The following BCL9 variants were observed in gnomAD, a reference collection of about 807,000 sequenced individuals.
The protein encoded by BCL9 is B-cell CLL/lymphoma 9 protein.
BCL9 carries 25 observed loss-of-function variants against 88.5 expected under a neutral mutation model. That is an observed-to-expected ratio of 0.28 (90% CI 0.21 to 0.39). The LOEUF (loss-of-function observed/expected upper bound fraction) is 0.39. Among genes scored for constraint, BCL9 ranks in the 10% least tolerant of loss-of-function variants. The pLI, the probability that BCL9 is intolerant of heterozygous loss-of-function variation, is 1.00. For synonymous variants in BCL9, 711 were observed against 673.3 expected (o/e 1.06, Z -0.87); for missense variants, 1,817 against 1,877.8 (o/e 0.97, Z 0.60).
intron 1 of BCL9, among the ~76,000 whole-genome samples, chr1:147,566,123 G>A (rs1655583588): frequency 6.6e-6 from 1 of 152,158 alleles, no homozygotes; most frequent in Non-Finnish European, 1.5e-5. Context: ...AAGACATTTA[G>A]CATCAAGACA....
intron 1 of BCL9, among the ~76,000 whole-genome samples, chr1:147,547,182 GTGTA>G (rs1184525963): frequency 2.0e-5 from 3 of 152,082 alleles, no homozygotes; most frequent in African/African-American, 7.2e-5. Flanking sequence ...TGTTACGTAT[GTGTA>G]TGTGTGTATA....
intron 1 of BCL9, among the ~76,000 whole-genome samples, chr1:147,570,297 G>A (rs1447526253): frequency 6.6e-6 from 1 of 152,144 alleles, no homozygotes; most frequent in African/African-American, 2.4e-5. Context: ...AATAGCTAAG[G>A]AAAAGGAGAA....
chr1:147,619,020 G>T lies in BCL9; in HGVS notation c.865G>T (p.Val289Leu). Reference sequence around the variant, plus strand: ...GGTAGAAAACAAACTGATTCCTTCTGTAGGAAGTCCTGCCAGCTCCACTCC... The same window carrying T: ...GGTAGAAAACAAACTGATTCCTTCTTTAGGAAGTCCTGCCAGCTCCACTCC... ...PGVENKLIPS[V>L]GSPASSTPLP... Residue 289 changes from valine to leucine, a missense_variant, in exon 8 of 10, where the codon GTA becomes TTA. By Grantham distance (32) the Val-to-Leu change is conservative (BLOSUM62 1). Around this residue, in one of 2 missense-constraint regions of BCL9, gnomAD observed 1,228 missense variants for 1,191.6 expected, o/e 1.03. Transcript: ENST00000234739. This position sits in a 1 kb window ranked among gnomAD's most constrained non-coding sequence, Gnocchi z 4.1. 1 of 1,609,950 alleles carries T rather than the reference G, an allele frequency of 6.2e-7. No individual in the cohort carries two copies. The highest frequency in any genetic ancestry group is 2.2e-5 in the East Asian group (1 of 44,842).
At chr1:147,614,763 G>C (rs1658187630) in intron 6 of BCL9, 147 bp downstream of exon 6, 1 of 833,516 alleles carries the variant, frequency 1.2e-6, no homozygotes. Context: ...CTCCCCCAGA[G>C]GCAACCACTG....
intron 1 of BCL9, among the ~76,000 whole-genome samples, chr1:147,544,619 T>C (rs1227452881): frequency 1.3e-5 from 2 of 152,102 alleles, no homozygotes; most frequent in African/African-American, 2.4e-5. Flanking sequence ...TACTAAACAC[T>C]CAGCTGCAAG....
chr1:147,592,616 G>A (rs1170351527), intron 1 of BCL9, among the ~76,000 whole-genome samples: 1 of 152,006 alleles, frequency 6.6e-6, no homozygotes, highest in African/African-American at 2.4e-5. Flanking sequence ...AGTGTGTCAG[G>A]AGAGTTGAAG....
intron 5 of BCL9, 28 bp from the exon 6 acceptor site, chr1:147,614,399 T>G: frequency 6.2e-7 from 1 of 1,607,468 alleles, no homozygotes; most frequent in Non-Finnish European, 8.5e-7. Context: ...TTTTATTCTT[T>G]CTGTGACGAG....
At chr1:147,606,887 TAGCACTGG>T (rs1657738647) in intron 3 of BCL9, 21 bp downstream of exon 3, 2 of 152,602 alleles carry the variant, frequency 1.3e-5, no homozygotes, top group Admixed American at 1.3e-4. Flanking sequence ...TGATGGCTGA[TAGCACTGG>T]AGCACACGCC....
intron 1 of BCL9, among the ~76,000 whole-genome samples, chr1:147,594,167 C>T (rs1656952852): frequency 6.6e-6 from 1 of 152,084 alleles, no homozygotes; most frequent in African/African-American, 2.4e-5. Context: ...TGGTGGTATA[C>T]ATAAACCACT....
rs1553204633 is a variant in BCL9 at position 147,619,518 on chromosome 1, G to A, written c.1363G>A (p.Gly455Arg). 1.2e-6 allele frequency: 2 copies of A among 1,613,980 alleles called. No individual in the cohort carries two copies. Among genetic ancestry groups the A allele is most frequent in the Non-Finnish European group, 1.7e-6 (2 of 1,180,016 alleles). ...MVPPSMNSQS[G>R]TIGPDHLDHM... ...TCCACCTTCTATGAACTCCCAGTCT[G>A]GGACCATAGGACCCGACCACCTTGA... Residue 455 changes from glycine to arginine, a missense_variant, in exon 8 of 10, where the codon GGG (glycine) becomes AGG (arginine). By Grantham distance (125) the Gly-to-Arg change is moderately radical. Coordinates refer to ENST00000234739, the MANE Select transcript of BCL9 (RefSeq NM_004326.4). This position sits in a 1 kb window ranked among gnomAD's most constrained non-coding sequence, Gnocchi z 4.1.
In BCL9 at chr1:147,613,024, C is replaced by T. The variant is rs1421205341; in HGVS notation, c.195C>T (p.Asp65=). The change falls in exon 5 of 10, where the codon GAC becomes GAT. Residue 65 remains aspartate (D), a synonymous_variant. Coordinates refer to ENST00000234739, the MANE Select transcript of BCL9 (RefSeq NM_004326.4). The part of the protein sequence containing the change: ...SASQSQPSPC[D]SKSGGHTPKA... ...GCCAATCCCAGCCATCCCCCTGTGA[C>T]TCCAAGAGTGGGGGCCATACCCCTA... The T allele has an allele frequency of 6.2e-7, 1 of 1,605,494 alleles. No individual in the cohort carries two copies. The highest frequency in any genetic ancestry group is 1.3e-5 in the African/African-American group (1 of 74,696).
intron 4 of BCL9, among the ~76,000 whole-genome samples, chr1:147,612,151 G>A (rs946200786): frequency 2.0e-5 from 3 of 152,074 alleles, no homozygotes; most frequent in Admixed American, 6.5e-5. Context: ...AAGCACAAAC[G>A]AAAGGACCAT....
chr1:147,559,975 G>A (rs1189233739), intron 1 of BCL9, among the ~76,000 whole-genome samples: 1 of 152,202 alleles, frequency 6.6e-6, no homozygotes, highest in Non-Finnish European at 1.5e-5. Context: ...TTGGAAACCA[G>A]AGTTTGAAAG....
intron 2 of BCL9, among the ~76,000 whole-genome samples, chr1:147,605,566 T>C (rs1401444253): frequency 5.9e-5 from 9 of 152,254 alleles, no homozygotes; most frequent in African/African-American, 2.2e-4. Context: ...AAGTTAGCTA[T>C]TAAAAGGTGA....
intron 8 of BCL9, among the ~76,000 whole-genome samples, 166 bp downstream of exon 8, chr1:147,621,223 A>G (rs782662965): frequency 6.6e-6 from 1 of 152,242 alleles, no homozygotes; most frequent in Non-Finnish European, 1.5e-5. Context: ...CCATGGGGTT[A>G]TGCAGAAGTG....
chr1:147,576,911 C>T (rs1041070904), intron 1 of BCL9, among the ~76,000 whole-genome samples: 6 of 152,104 alleles, frequency 3.9e-5, no homozygotes, highest in Admixed American at 2.0e-4. Context: ...AGAATCTATC[C>T]GTTATCGTCA....
At chr1:147,591,865 T>C (rs782788512) in intron 1 of BCL9, among the ~76,000 whole-genome samples, 4 of 152,166 alleles carry the variant, frequency 2.6e-5, no homozygotes, top group Non-Finnish European at 5.9e-5. Context: ...GTTTGTGCGG[T>C]GTCTGTAATT....
intron 3 of BCL9, among the ~76,000 whole-genome samples, chr1:147,607,422 TGTG>T (rs1435663769): frequency 6.6e-6 from 1 of 152,190 alleles, no homozygotes; most frequent in African/African-American, 2.4e-5. Flanking sequence ...GTAAGTCAGT[TGTG>T]GTCCCTACCT....
Position 147,625,345 on chromosome 1 carries a change from A to T in BCL9, c.*386A>T. 3.9e-6 allele frequency: 1 copy of T among 259,106 alleles called. No individual in the cohort carries two copies. The highest frequency in any genetic ancestry group is 1.1e-4 in the South Asian group (1 of 9,124). The allele number at this position is 259,106 out of a possible 1,614,324, so 16.1% of individuals were successfully genotyped here. The stretch of plus-strand genomic sequence containing the variant: ...ATTCTTTTCTGTTTTTGTTTTTTTG[A>T]TTTGGGCTTTATTTTTTTCTGTGTA... On this transcript the variant is annotated 3_prime_UTR_variant, in exon 10 of 10. Coordinates refer to ENST00000234739, the MANE Select transcript of BCL9 (RefSeq NM_004326.4).
Sources: allele counts gnomAD v4.1 joint callset (sites outside exome capture counted in the v4.1 genomes callset), GRCh38; gene constraint gnomAD v4.1.1; regional missense constraint gnomAD v4.1.1; non-coding constraint Gnocchi (gnomAD v3.1); transcripts MANE v1.5; gene names NCBI Gene and HGNC (gene_info 2026-07-23, HGNC 2026-07-21).